The following CSMD1 variants were observed in gnomAD, a reference collection of about 807,000 sequenced individuals.
The protein encoded by CSMD1 is CUB and sushi domain-containing protein 1.
CSMD1 carries 213 observed loss-of-function variants against 417.5 expected under a neutral mutation model. That is an observed-to-expected ratio of 0.51 (90% CI 0.46 to 0.57). The LOEUF (loss-of-function observed/expected upper bound fraction) is 0.57, where lower values mean the gene tolerates loss of function less well. Ranked by LOEUF, CSMD1 falls within the 20% of genes least tolerant of loss-of-function variation. The pLI, the probability that CSMD1 is intolerant of heterozygous loss-of-function variation, is 0.00. For missense variants in CSMD1, 6,923 were observed against 4,529.7 expected (o/e 1.53, Z -15.17); for synonymous variants, 2,862 against 1,736.8 (o/e 1.65, Z -16.11).
At chr8:4,252,321 T>C (rs1803136723) in intron 3 of CSMD1, among the ~76,000 whole-genome samples, 1 of 152,208 alleles carries the variant, frequency 6.6e-6, no homozygotes, top group Non-Finnish European at 1.5e-5. Context: ...GCAACACATA[T>C]CTCTACAATG....
intron 2 of CSMD1, among the ~76,000 whole-genome samples, chr8:4,527,459 G>A (rs1040790494): frequency 6.6e-6 from 1 of 152,114 alleles, no homozygotes; most frequent in Non-Finnish European, 1.5e-5. Context: ...GGCAGATCCT[G>A]TTTGCAAAGT....
At chr8:3,067,664 TA>T (rs1299959302) in intron 49 of CSMD1, among the ~76,000 whole-genome samples, 15 of 150,478 alleles carry the variant, frequency 1.0e-4, no homozygotes, top group African/African-American at 3.4e-4. Context: ...TAACATATAA[TA>T]AAAATTTATA....
chr8:4,229,835 C>T (rs1381070148), intron 3 of CSMD1, among the ~76,000 whole-genome samples: 2 of 152,150 alleles, frequency 1.3e-5, no homozygotes, highest in African/African-American at 4.8e-5. Context: ...CCCAAGAGGG[C>T]CGGGATTTTA....
chr8:4,579,366 TTGTG>T (rs1799303235), intron 2 of CSMD1, among the ~76,000 whole-genome samples: 1 of 151,496 alleles, frequency 6.6e-6, no homozygotes, highest in South Asian at 2.1e-4. Flanking sequence ...GTGTGTGTGT[TTGTG>T]TATGTTTGAC....
At chr8:3,490,999 CG>C (rs1818341981) in intron 11 of CSMD1, among the ~76,000 whole-genome samples, 1 of 151,958 alleles carries the variant, frequency 6.6e-6, no homozygotes, top group Admixed American at 6.6e-5. Context: ...ATTGGAGAAA[CG>C]TAACAATGTA....
chr8:3,586,287 A>AT, intron 8 of CSMD1, 27 bp from the exon 9 acceptor site: 1 of 1,547,464 alleles, frequency 6.5e-7, no homozygotes, highest in South Asian at 1.2e-5. Flanking sequence ...GAAAAAAAAA[A>AT]ACCCAAATTA....
At chr8:3,556,816 G>A (rs775504853) in intron 10 of CSMD1, among the ~76,000 whole-genome samples, 4 of 152,186 alleles carry the variant, frequency 2.6e-5, no homozygotes, top group African/African-American at 7.2e-5. Context: ...CTTGGTGGAT[G>A]CCCCTCTCCC....
intron 3 of CSMD1, among the ~76,000 whole-genome samples, chr8:4,047,283 G>T (rs1208666335): frequency 6.6e-6 from 1 of 152,096 alleles, no homozygotes; most frequent in Admixed American, 6.5e-5. Flanking sequence ...GTGGGAGGAA[G>T]GGAGGAAGGA....
intron 6 of CSMD1, among the ~76,000 whole-genome samples, chr8:3,741,113 T>A (rs1268005685): frequency 6.6e-6 from 1 of 150,958 alleles, no homozygotes; most frequent in Admixed American, 6.6e-5. Flanking sequence ...TACTTGGAGT[T>A]TGAGGCAAGA....
intron 52 of CSMD1, among the ~76,000 whole-genome samples, chr8:3,005,187 T>C (rs770531495): frequency 2.0e-5 from 3 of 152,124 alleles, no homozygotes; most frequent in African/African-American, 4.8e-5. Flanking sequence ...TTCAGAACCA[T>C]TGAGGTGTTA....
At chr8:3,868,702 C>T (rs1444330882) in intron 5 of CSMD1, among the ~76,000 whole-genome samples, 1 of 152,168 alleles carries the variant, frequency 6.6e-6, no homozygotes, top group East Asian at 1.9e-4. Context: ...CGTTATCCTT[C>T]CTAAAAGCCT....
intron 21 of CSMD1, among the ~76,000 whole-genome samples, chr8:3,349,709 C>G (rs1808263545): frequency 6.8e-6 from 1 of 147,076 alleles, no homozygotes; most frequent in South Asian, 2.1e-4. Context: ...TATATATACT[C>G]ACGAGTAGGT....
chr8:4,097,016 T>C (rs540280585), intron 3 of CSMD1, among the ~76,000 whole-genome samples: 8 of 152,172 alleles, frequency 5.3e-5, no homozygotes, highest in Non-Finnish European at 1.2e-4. Flanking sequence ...AAAATTATTT[T>C]TCCACCCCCA....
At chr8:3,393,654 C>T (rs1289757806) in intron 17 of CSMD1, among the ~76,000 whole-genome samples, 1 of 151,970 alleles carries the variant, frequency 6.6e-6, no homozygotes, top group East Asian at 1.9e-4. Context: ...GAATAGTATG[C>T]AACCATAAAA....
intron 3 of CSMD1, among the ~76,000 whole-genome samples, chr8:4,168,342 T>C (rs769428367): frequency 7.2e-5 from 11 of 151,924 alleles, no homozygotes; most frequent in Non-Finnish European, 1.2e-4. Flanking sequence ...GCTACAGTGA[T>C]CCTTGATTGC....
Position 3,752,764 on chromosome 8 carries a change from A to C in CSMD1, c.931+1166T>G, listed in dbSNP as rs937380235. Among the ~76,000 whole-genome samples the C allele has an allele frequency of 1.4e-4, 21 of 151,230 alleles. 1 individual carries two copies. The highest frequency in any genetic ancestry group is 1.4e-3 in the Admixed American group (21 of 15,150). On this transcript the variant is annotated intron_variant, in intron 6 of 69. Coordinates refer to ENST00000635120, the MANE Select transcript of CSMD1 (RefSeq NM_033225.6). ...TGAGGCAGGAAGTTCTGCGTACATC[A>C]TGTGCCCCAGGGACTGGGTGGCAAA...
chr8:4,112,931 C>A (rs1396099420), intron 3 of CSMD1, among the ~76,000 whole-genome samples: 1 of 152,280 alleles, frequency 6.6e-6, no homozygotes, highest in African/African-American at 2.4e-5. Context: ...AGTAAGTGCT[C>A]ACTTCATCCT....
At chr8:3,828,449 T>C (rs1024260941) in intron 5 of CSMD1, among the ~76,000 whole-genome samples, 8 of 152,130 alleles carry the variant, frequency 5.3e-5, no homozygotes, top group East Asian at 3.9e-4. Context: ...AAGAATAAAA[T>C]ATATAAAAAC....
At chr8:4,090,000 C>T (rs1274738682) in intron 3 of CSMD1, among the ~76,000 whole-genome samples, 1 of 152,158 alleles carries the variant, frequency 6.6e-6, no homozygotes, top group Non-Finnish European at 1.5e-5. Context: ...CCTACTTTCT[C>T]TACTAGCCTG....
Sources: allele counts gnomAD v4.1 joint callset (sites outside exome capture counted in the v4.1 genomes callset), GRCh38; gene constraint gnomAD v4.1.1; transcripts MANE v1.5; gene names NCBI Gene and HGNC (gene_info 2026-07-23, HGNC 2026-07-21).